CERS3: variants seen among roughly 807,000 people sequenced by gnomAD.
CERS3 encodes the protein ceramide synthase 3.
Under a neutral mutation model 50.3 loss-of-function variants are expected in CERS3, and 33 were observed. The ratio of observed to expected loss-of-function variants is 0.66; its 90% CI spans 0.50 to 0.88. The LOEUF (loss-of-function observed/expected upper bound fraction) is 0.88, where lower values mean the gene tolerates loss of function less well. Ranked by LOEUF, CERS3 falls within the 40% of genes least tolerant of loss-of-function variation. The probability of loss-of-function intolerance (pLI) is 0.00; values close to 1 mark genes in which losing one functional copy is unlikely to be tolerated. For missense variants in CERS3, 470 were observed against 460.3 expected (o/e 1.02, Z -0.19); for synonymous variants, 176 against 155.2 (o/e 1.13, Z -0.99).
intron 3 of CERS3, among the ~76,000 whole-genome samples, chr15:100,494,166 A>G (rs1244332083): frequency 7.1e-6 from 1 of 140,992 alleles, no homozygotes; most frequent in East Asian, 2.1e-4. Flanking sequence ...TGTTTTTGCT[A>G]TTTGTCATTG....
intron 11 of CERS3, among the ~76,000 whole-genome samples, chr15:100,446,994 A>G (rs1175196829): frequency 6.6e-6 from 1 of 152,220 alleles, no homozygotes; most frequent in Non-Finnish European, 1.5e-5. Context: ...GCAGCCCCTG[A>G]AAGAAATTGA....
intron 11 of CERS3, among the ~76,000 whole-genome samples, chr15:100,449,862 A>G (rs2034089007): frequency 6.6e-6 from 1 of 152,284 alleles, no homozygotes; most frequent in Non-Finnish European, 1.5e-5. Flanking sequence ...CCTTCAAAAA[A>G]CACAATAATT....
intron 2 of CERS3, among the ~76,000 whole-genome samples, chr15:100,504,932 T>C (rs1396124169): frequency 6.6e-6 from 1 of 152,182 alleles, no homozygotes; most frequent in Non-Finnish European, 1.5e-5. Flanking sequence ...AACAAGAGCA[T>C]ACACAAGCCT....
At position 100,522,945 on chromosome 15, in the gene CERS3, A is replaced by G. The variant is rs190024956; in HGVS notation, c.-91-1189T>C. On this transcript the variant is annotated intron_variant, in intron 1 of 11. Coordinates refer to ENST00000679737, the MANE Select transcript of CERS3 (RefSeq NM_001378789.1). ...TGTTGTGACTATTTACACTCCTCCC[A>G]GTGACGTATGAGAGTTCCAGTGGTT... is the stretch of plus-strand genomic sequence containing the variant. Among the ~76,000 whole-genome samples the G allele has an allele frequency of 5.9e-5, 9 of 152,336 alleles. No homozygotes were observed. The East Asian group carries it at 1.5e-3, about 26-fold the overall frequency.
At chr15:100,465,253 A>T (rs763627977) in intron 10 of CERS3, among the ~76,000 whole-genome samples, 44 of 152,156 alleles carry the variant, frequency 2.9e-4, no homozygotes, top group Non-Finnish European at 7.3e-5. Flanking sequence ...CCACCCTCCA[A>T]TGATACCTAT....
At chr15:100,443,881 C>A (rs1032432122) in intron 11 of CERS3, among the ~76,000 whole-genome samples, 3 of 152,160 alleles carry the variant, frequency 2.0e-5, no homozygotes, top group Non-Finnish European at 4.4e-5. Flanking sequence ...CCTAAAAAAA[C>A]CATTCTATAA....
At chr15:100,523,024 G>A (rs902994449) in intron 1 of CERS3, among the ~76,000 whole-genome samples, 24 of 152,280 alleles carry the variant, frequency 1.6e-4, no homozygotes, top group Non-Finnish European at 1.9e-4. Flanking sequence ...CACCTTTCTG[G>A]TGGGTGTGTA....
At position 100,474,764 on chromosome 15, in the gene CERS3, A is replaced by G. The variant is rs144715110; in HGVS notation, c.609+1322T>C. Among the ~76,000 whole-genome samples, 203 of 152,312 alleles carry G rather than the reference A, an allele frequency of 1.3e-3. 1 individual carries two copies. The highest frequency in any genetic ancestry group is 4.4e-3 in the African/African-American group (184 of 41,556). On this transcript the variant is annotated intron_variant, in intron 8 of 11. Coordinates refer to ENST00000679737, the MANE Select transcript of CERS3 (RefSeq NM_001378789.1). ...CCCACAACAAACAGAGGAGATAGGA[A>G]CTATTTTTAGCTTCATTTTATAGAT...
At chr15:100,431,349 A>G (rs1444283973) in intron 11 of CERS3, among the ~76,000 whole-genome samples, 1 of 152,224 alleles carries the variant, frequency 6.6e-6, no homozygotes, top group African/African-American at 2.4e-5. Context: ...TATAAAATAA[A>G]TCATGTTTTT....
intron 9 of CERS3, 118 bp from the exon 10 acceptor site, chr15:100,469,602 T>C (rs912989013): frequency 5.8e-6 from 4 of 695,182 alleles, no homozygotes; most frequent in Admixed American, 5.3e-5. Context: ...GGGTGGAAAG[T>C]AGGGGGTACA....
intron 11 of CERS3, among the ~76,000 whole-genome samples, chr15:100,440,102 G>C (rs2033612676): frequency 6.6e-6 from 1 of 152,166 alleles, no homozygotes; most frequent in Non-Finnish European, 1.5e-5. Flanking sequence ...ATGGGGACAG[G>C]AGCTTCTGGA....
At chr15:100,420,276 A>T (rs1473776990) in intron 11 of CERS3, among the ~76,000 whole-genome samples, 8 of 149,622 alleles carry the variant, frequency 5.3e-5, no homozygotes, top group Non-Finnish European at 1.0e-4. Context: ...AGAAATACAA[A>T]CTACCATCAG....
At chr15:100,493,427 C>G (rs1234687162) in intron 3 of CERS3, among the ~76,000 whole-genome samples, 1 of 152,126 alleles carries the variant, frequency 6.6e-6, no homozygotes, top group Non-Finnish European at 1.5e-5. Context: ...AATGAGAATT[C>G]CTTGTATGTG....
chr15:100,457,560 T>G (rs943388687), intron 10 of CERS3, among the ~76,000 whole-genome samples: 1 of 152,246 alleles, frequency 6.6e-6, no homozygotes, highest in Non-Finnish European at 1.5e-5. Context: ...CATCACTGTT[T>G]TTTTACCTAC....
chr15:100,490,121 A>C (rs2035607922), intron 4 of CERS3, among the ~76,000 whole-genome samples: 1 of 152,234 alleles, frequency 6.6e-6, no homozygotes, highest in Admixed American at 6.5e-5. Flanking sequence ...TTCATCTGTC[A>C]TTTTAACTGT....
rs1026805132 is a variant in CERS3 at position 100,417,724 on chromosome 15, C to T, written c.1000-14859G>A. Among the ~76,000 whole-genome samples, 8 of 151,928 alleles carry T rather than the reference C, an allele frequency of 5.3e-5. 1 individual carries two copies. The highest frequency in any genetic ancestry group is 1.2e-4 in the African/African-American group (5 of 41,210). ...GAGCAGTGGTTCTCCCAGCACGCAG[C>T]TGGAGATCTGAGAACGGGCAGACTG... is the stretch of plus-strand genomic sequence containing the variant. On this transcript the variant is annotated intron_variant, in intron 11 of 11. Coordinates refer to ENST00000679737, the MANE Select transcript of CERS3 (RefSeq NM_001378789.1).
intron 11 of CERS3, among the ~76,000 whole-genome samples, chr15:100,443,233 T>C (rs567347460): frequency 4.6e-3 from 692 of 149,462 alleles, no homozygotes; most frequent in African/African-American, 0.016. Context: ...ATGCACCCCT[T>C]ACCATCTCAT....
intron 11 of CERS3, chr15:100,408,543 T>C (rs1438746417): frequency 1.3e-5 from 2 of 152,184 alleles, no homozygotes; most frequent in Admixed American, 1.3e-4. Flanking sequence ...AAGTAAATTA[T>C]ATAACCTAGG....
At chr15:100,438,912 C>T (rs1281507729) in intron 11 of CERS3, among the ~76,000 whole-genome samples, 2 of 152,232 alleles carry the variant, frequency 1.3e-5, no homozygotes, top group Admixed American at 6.5e-5. Context: ...ATCAAGTCCT[C>T]TTAAGTAATA....
Sources: gnomAD v4.1 joint callset for allele counts (sites outside exome capture counted in the v4.1 genomes callset) on GRCh38, gnomAD v4.1.1 for gene constraint, MANE v1.5 for transcripts, NCBI Gene and HGNC (gene_info 2026-07-23, HGNC 2026-07-21) for gene names.